The following ASIC2 variants were observed in gnomAD, a reference collection of about 807,000 sequenced individuals.
ASIC2 encodes the protein acid sensing ion channel subunit 2.
In ASIC2, 25 loss-of-function variants were observed where a neutral mutation model predicts 57.3. The ratio of observed to expected loss-of-function variants is 0.44; its 90% CI spans 0.32 to 0.61. The LOEUF (loss-of-function observed/expected upper bound fraction) is 0.61, where lower values mean the gene tolerates loss of function less well. ASIC2 is among the 20% of genes least tolerant of loss of function. The pLI is 0.06. For synonymous variants in ASIC2, 319 were observed against 307.5 expected (o/e 1.04, Z -0.39); for missense variants, 641 against 738.1 (o/e 0.87, Z 1.52).
intron 1 of ASIC2, among the ~76,000 whole-genome samples, chr17:33,702,397 A>G (rs1277434799): frequency 2.6e-5 from 4 of 152,312 alleles, no homozygotes; most frequent in African/African-American, 9.6e-5. Context: ...AGAAAGGATG[A>G]AAACGTGAAA....
At chr17:33,480,147 G>T (rs1435917979) in intron 1 of ASIC2, among the ~76,000 whole-genome samples, 2 of 152,212 alleles carry the variant, frequency 1.3e-5, no homozygotes, top group Non-Finnish European at 2.9e-5. Context: ...CAACAAGTTT[G>T]TACTGGGCAT....
chr17:33,349,208 A>G (rs1908067489), intron 1 of ASIC2, among the ~76,000 whole-genome samples: 1 of 152,234 alleles, frequency 6.6e-6, no homozygotes, highest in African/African-American at 2.4e-5. Context: ...GAGAAGCCAG[A>G]AATCTGGATT....
intron 1 of ASIC2, among the ~76,000 whole-genome samples, chr17:34,104,171 T>A (rs1029821708): frequency 1.3e-5 from 2 of 152,162 alleles, no homozygotes; most frequent in East Asian, 1.9e-4. Flanking sequence ...GATTTACATA[T>A]CTTTTGTTAA....
chr17:33,180,994 G>C (rs1905959181), intron 1 of ASIC2, among the ~76,000 whole-genome samples: 1 of 152,128 alleles, frequency 6.6e-6, no homozygotes, highest in South Asian at 2.1e-4. Context: ...AGAACCTTTG[G>C]GGAGTTTCGG....
chr17:33,218,565 G>T (rs412891), intron 1 of ASIC2, among the ~76,000 whole-genome samples: 115,159 of 151,324 alleles, frequency 0.76, 44,756 homozygotes, highest in African/African-American at 0.91. Context: ...TGGTTCATAG[G>T]ACATGCCTAT....
intron 1 of ASIC2, among the ~76,000 whole-genome samples, chr17:33,357,550 C>T (rs143664102): frequency 2.3e-4 from 35 of 152,246 alleles, no homozygotes; most frequent in African/African-American, 8.2e-4. Context: ...ACCTTTCCTG[C>T]CTTCTTTCTA....
chr17:33,721,661 C>T (rs907429349), intron 1 of ASIC2, among the ~76,000 whole-genome samples: 2 of 152,214 alleles, frequency 1.3e-5, no homozygotes, highest in Non-Finnish European at 2.9e-5. Context: ...ATCTGGATTA[C>T]AGGCATGTGC....
chr17:33,744,511 C>G (rs1221217239), intron 1 of ASIC2, among the ~76,000 whole-genome samples: 1 of 152,120 alleles, frequency 6.6e-6, no homozygotes, highest in Admixed American at 6.6e-5. Flanking sequence ...ATAGACTTAG[C>G]TAAAATATCC....
intron 1 of ASIC2, among the ~76,000 whole-genome samples, chr17:33,121,038 T>C (rs910967173): frequency 2.0e-5 from 3 of 152,298 alleles, no homozygotes; most frequent in East Asian, 3.9e-4. Context: ...GGAGCTGTTG[T>C]AAAGATCAAA....
intron 1 of ASIC2, among the ~76,000 whole-genome samples, chr17:33,487,791 C>T (rs4795798): frequency 0.24 from 36,103 of 152,082 alleles, 4,903 homozygotes; most frequent in Non-Finnish European, 0.31. Flanking sequence ...CTTTCTACCA[C>T]GCTGGATGCT....
intron 1 of ASIC2, among the ~76,000 whole-genome samples, chr17:33,532,217 A>G (rs766842875): frequency 3.3e-5 from 5 of 152,184 alleles, no homozygotes; most frequent in Admixed American, 6.5e-5. Context: ...AACCTCACCC[A>G]TGAAGTCAAG....
At position 33,504,859 on chromosome 17, in the gene ASIC2, T is replaced by C. The variant is rs1413529742; in HGVS notation, c.556-392792A>G. On this transcript the variant is annotated intron_variant, in intron 1 of 9. Coordinates refer to the ASIC2 transcript ENST00000359872. ...TTTCATCCTGTTGGTTCAGGTCCATTGTTCCTAGCTGTCAGAGTTTAAATC... is the reference window on the plus strand; with the variant it reads ...TTTCATCCTGTTGGTTCAGGTCCATCGTTCCTAGCTGTCAGAGTTTAAATC... 2.6e-5 allele frequency among the ~76,000 whole-genome samples: 4 copies of C among 152,196 alleles called. No individual in the cohort carries two copies. In the East Asian group the frequency reaches 5.8e-4, roughly 22 times the overall value.
intron 1 of ASIC2, among the ~76,000 whole-genome samples, chr17:33,693,740 C>G (rs900177462): frequency 3.9e-5 from 6 of 152,116 alleles, no homozygotes; most frequent in Non-Finnish European, 8.8e-5. Context: ...CTTTGAGGGG[C>G]TATAAAGAGC....
intron 1 of ASIC2, among the ~76,000 whole-genome samples, chr17:34,141,303 C>A (rs535456396): frequency 2.8e-4 from 42 of 152,218 alleles, no homozygotes; most frequent in Non-Finnish European, 5.6e-4. Flanking sequence ...CTTAGTGGAC[C>A]ACTGTTGAAC....
At chr17:33,919,650 A>G (rs1034077876) in intron 1 of ASIC2, among the ~76,000 whole-genome samples, 5 of 152,252 alleles carry the variant, frequency 3.3e-5, no homozygotes, top group Admixed American at 2.6e-4. Flanking sequence ...AGCAATTGCA[A>G]CAAAAGCAAA....
intron 1 of ASIC2, among the ~76,000 whole-genome samples, chr17:33,846,652 C>A (rs1913613222): frequency 6.6e-6 from 1 of 152,124 alleles, no homozygotes; most frequent in Non-Finnish European, 1.5e-5. Flanking sequence ...ACATGCACAC[C>A]CACCCACACA....
At chr17:33,166,306 A>T (rs1420899275) in intron 1 of ASIC2, among the ~76,000 whole-genome samples, 2 of 152,202 alleles carry the variant, frequency 1.3e-5, no homozygotes, top group African/African-American at 4.8e-5. Flanking sequence ...ATAGGTGCTT[A>T]TTAAATGTTA....
At position 33,473,742 on chromosome 17, in the gene ASIC2, G is replaced by A. The variant is rs538792567; in HGVS notation, c.556-361675C>T. On this transcript the variant is annotated intron_variant, in intron 1 of 9. Transcript: ENST00000359872. ...TAGCCCTGTTCCTGCCAAGCTCCAG[G>A]TGTTCCAGTATTGTGAGGTTTTCTT... Among the ~76,000 whole-genome samples the A allele has an allele frequency of 1.3e-4, 20 of 152,250 alleles. 1 individual carries two copies. The South Asian group carries it at 4.2e-3, about 32-fold the overall frequency.
intron 1 of ASIC2, among the ~76,000 whole-genome samples, chr17:33,196,556 A>G (rs1263338942): frequency 6.6e-6 from 1 of 152,178 alleles, no homozygotes; most frequent in Non-Finnish European, 1.5e-5. Context: ...GCAACTTGCC[A>G]TTGTCCGAGG....
Sources: gnomAD v4.1 joint callset for allele counts (sites outside exome capture counted in the v4.1 genomes callset) on GRCh38, gnomAD v4.1.1 for gene constraint, MANE v1.5 for transcripts, NCBI Gene and HGNC (gene_info 2026-07-23, HGNC 2026-07-21) for gene names.